PCED1B: variants seen among roughly 807,000 people sequenced by gnomAD.
PCED1B encodes PC-esterase domain-containing protein 1B.
For synonymous variants in PCED1B, 251 were observed against 246.1 expected, an observed-to-expected ratio of 1.02 and a Z score of -0.19; for missense variants, 573 against 573.9, an observed-to-expected ratio of 1.00 and a Z score of 0.02.
chr12:47,185,369 A>G (rs1942222118), intron 2 of PCED1B, among the ~76,000 whole-genome samples: 1 of 152,212 alleles, frequency 6.6e-6, no homozygotes, highest in Non-Finnish European at 1.5e-5. Flanking sequence ...CCCTGTGAAG[A>G]AGGAGGCAGA....
At chr12:47,212,240 C>A (rs1943114986) in intron 2 of PCED1B, among the ~76,000 whole-genome samples, 1 of 152,064 alleles carries the variant, frequency 6.6e-6, no homozygotes, top group Non-Finnish European at 1.5e-5. Flanking sequence ...GATCATGCCA[C>A]TGCACTCCAG....
Position 47,172,493 on chromosome 12 carries a change from A to G in PCED1B, c.-525-43729A>G, listed in dbSNP as rs79454173. Reference sequence around the variant, plus strand: ...CCTATCTCAAAAAGAAATTCTGATCAAGGAAATCTATGATTGCTAGACTGA... The same window carrying G: ...CCTATCTCAAAAAGAAATTCTGATCGAGGAAATCTATGATTGCTAGACTGA... On this transcript the variant is annotated intron_variant, in intron 2 of 3. Transcript: ENST00000546455. Among the ~76,000 whole-genome samples, 470 of 152,250 alleles carry G rather than the reference A, an allele frequency of 3.1e-3. 4 individuals are homozygous for G. Among genetic ancestry groups the G allele is most frequent in the Admixed American group, 6.5e-3 (100 of 15,296 alleles).
In PCED1B at chr12:47,135,782, A is replaced by G. The variant is rs536573515; in HGVS notation, c.-526+31587A>G. On this transcript the variant is annotated intron_variant, in intron 2 of 3. Transcript: ENST00000546455. ...AGATGTGGATCATGGTGAACGCTGG[A>G]GGCACAGGGTTGTGGGGTGCCCCCA... 6.6e-4 allele frequency: 344 copies of G among 520,856 alleles called. 4 individuals carry two copies. The highest frequency in any genetic ancestry group is 4.7e-3 in the South Asian group (332 of 69,920). The allele number at this position is 520,856 out of a possible 1,614,324, so 32.3% of individuals were successfully genotyped here. A position where few individuals can be genotyped will look rare whatever the true frequency, so the allele number is the denominator to read the frequency against.
chr12:47,166,500 C>CA (rs567881390), intron 2 of PCED1B, among the ~76,000 whole-genome samples: 175 of 152,312 alleles, frequency 1.1e-3, no homozygotes, highest in African/African-American at 4.1e-3. Flanking sequence ...ACTTTTCACT[C>CA]ACCTGAGAAA....
chr12:47,219,027 G>C (rs1943391323), intron 3 of PCED1B, among the ~76,000 whole-genome samples: 2 of 152,082 alleles, frequency 1.3e-5, no homozygotes, highest in Non-Finnish European at 2.9e-5. Flanking sequence ...TGTGATCCCA[G>C]CTATTCCGGA....
At chr12:47,090,602 C>T (rs111862785) in intron 1 of PCED1B, among the ~76,000 whole-genome samples, 39 of 152,272 alleles carry the variant, frequency 2.6e-4, no homozygotes, top group Non-Finnish European at 5.0e-4. Flanking sequence ...TCCCTCTGTT[C>T]CCTTCTAGTC....
At chr12:47,231,260 GA>G (rs1943797943) in intron 3 of PCED1B, among the ~76,000 whole-genome samples, 2 of 152,144 alleles carry the variant, frequency 1.3e-5, no homozygotes, top group Admixed American at 1.3e-4. Context: ...ATAAGAGAGT[GA>G]AGACCCCAAG....
intron 3 of PCED1B, among the ~76,000 whole-genome samples, chr12:47,222,236 A>G (rs1318202660): frequency 6.6e-6 from 1 of 151,632 alleles, no homozygotes; most frequent in African/African-American, 2.4e-5. Context: ...CCTGACCAAC[A>G]TGGAGAATCC....
chr12:47,177,813 G>A (rs1377326727), intron 2 of PCED1B, among the ~76,000 whole-genome samples: 1 of 152,066 alleles, frequency 6.6e-6, no homozygotes, highest in Non-Finnish European at 1.5e-5. Flanking sequence ...AATTAACCCG[G>A]TATGGTGGCA....
At chr12:47,086,360 TAAAAA>T (rs3045485) in intron 1 of PCED1B, among the ~76,000 whole-genome samples, 2 of 95,498 alleles carry the variant, frequency 2.1e-5, no homozygotes, top group African/African-American at 9.2e-5. Flanking sequence ...GTGCTTATGG[TAAAAA>T]AAAAAAAAAA....
chr12:47,221,619 T>C (rs990861798), intron 3 of PCED1B, among the ~76,000 whole-genome samples: 2 of 152,244 alleles, frequency 1.3e-5, no homozygotes, highest in African/African-American at 4.8e-5. Context: ...CCCAATTATG[T>C]ATTCCCAGCC....
rs570106522 is a variant in PCED1B at position 47,110,077 on chromosome 12, T to C, written c.-526+5882T>C. Among the ~76,000 whole-genome samples, 66 of 152,328 alleles carry C rather than the reference T, an allele frequency of 4.3e-4. 1 individual carries two copies. In the South Asian group the frequency reaches 8.9e-3, roughly 21 times the overall value. ...TGGCCTGAATGGTTGGCTTGGAAGATGTTTGTTAGTGGCCAGAATCATTCA... is the reference window on the plus strand; with the variant it reads ...TGGCCTGAATGGTTGGCTTGGAAGACGTTTGTTAGTGGCCAGAATCATTCA... On this transcript the variant is annotated intron_variant, in intron 2 of 3. Transcript: ENST00000546455.
intron 3 of PCED1B, among the ~76,000 whole-genome samples, chr12:47,218,604 C>T (rs181651453): frequency 1.2e-4 from 18 of 152,244 alleles, no homozygotes; most frequent in African/African-American, 4.1e-4. Context: ...CCACCTCAGC[C>T]TCCTCCTGAG....
At chr12:47,214,973 G>A (rs891754746) in intron 2 of PCED1B, among the ~76,000 whole-genome samples, 8 of 152,000 alleles carry the variant, frequency 5.3e-5, no homozygotes, top group Non-Finnish European at 7.4e-5. Context: ...TGCAACCTAC[G>A]CCTCCTGGGT....
intron 1 of PCED1B, among the ~76,000 whole-genome samples, chr12:47,101,193 A>T (rs543643898): frequency 6.6e-6 from 1 of 152,284 alleles, no homozygotes; most frequent in South Asian, 2.1e-4. Context: ...CTTGTTAGGC[A>T]CATCTTTTAT....
intron 2 of PCED1B, among the ~76,000 whole-genome samples, chr12:47,204,031 C>T (rs916394817): frequency 2.0e-5 from 3 of 152,192 alleles, no homozygotes; most frequent in South Asian, 2.1e-4. Context: ...AAGTAGCCTC[C>T]GCCTCCCAGG....
intron 2 of PCED1B, among the ~76,000 whole-genome samples, chr12:47,157,532 C>T (rs1359240642): frequency 6.6e-6 from 1 of 152,138 alleles, no homozygotes; most frequent in African/African-American, 2.4e-5. Flanking sequence ...CATGATAAAG[C>T]CACTGTACTT....
intron 3 of PCED1B, among the ~76,000 whole-genome samples, chr12:47,222,256 CTAAAAA>C (rs1206272321): frequency 3.3e-5 from 5 of 151,150 alleles, no homozygotes; most frequent in African/African-American, 1.2e-4. Context: ...CCCGTCTCTA[CTAAAAA>C]TACAAAAAAA....
intron 1 of PCED1B, among the ~76,000 whole-genome samples, chr12:47,095,946 A>C (rs955519280): frequency 6.6e-6 from 1 of 152,036 alleles, no homozygotes; most frequent in Non-Finnish European, 1.5e-5. Context: ...GGTACTTTAT[A>C]TTTAGTGTTT....
Sources: allele counts gnomAD v4.1 joint callset (sites outside exome capture counted in the v4.1 genomes callset), GRCh38; gene constraint gnomAD v4.1.1; transcripts MANE v1.5; gene names NCBI Gene and HGNC (gene_info 2026-07-23, HGNC 2026-07-21).